The following WSCD1 variants were observed in gnomAD, a reference collection of about 807,000 sequenced individuals.
WSCD1 encodes the protein sialate:O-sulfotransferase 1.
WSCD1 carries 41 observed loss-of-function variants against 60.4 expected under a neutral mutation model. The observed-to-expected ratio is 0.68, with a 90% CI of 0.53 to 0.88. WSCD1 has a LOEUF of 0.88. Among genes scored for constraint, WSCD1 ranks in the 40% least tolerant of loss-of-function variants. The pLI, the probability that WSCD1 is intolerant of heterozygous loss-of-function variation, is 0.00. For missense variants in WSCD1, 784 were observed against 796.2 expected, an observed-to-expected ratio of 0.98 and a Z score of 0.18; for synonymous variants, 361 against 332.5, an observed-to-expected ratio of 1.09 and a Z score of -0.93.
chr17:6,071,815 T>C (rs1247311505), intron 1 of WSCD1, among the ~76,000 whole-genome samples: 1 of 152,198 alleles, frequency 6.6e-6, no homozygotes, highest in African/African-American at 2.4e-5. Flanking sequence ...CCTTGGGCTA[T>C]GGGAGAATGA....
intron 5 of WSCD1, among the ~76,000 whole-genome samples, chr17:6,098,164 G>T (rs1248103849): frequency 1.4e-5 from 2 of 146,318 alleles, no homozygotes; most frequent in Non-Finnish European, 3.0e-5. Context: ...GGTGGGGGGG[G>T]TCTCACCAAG....
chr17:6,105,493 A>C (rs1482278542), intron 5 of WSCD1, among the ~76,000 whole-genome samples: 2 of 152,116 alleles, frequency 1.3e-5, no homozygotes, highest in African/African-American at 4.8e-5. Context: ...ATCAATATTT[A>C]ATTTTTATGG....
At chr17:6,086,565 G>C (rs1480618978) in intron 2 of WSCD1, among the ~76,000 whole-genome samples, 6 of 152,044 alleles carry the variant, frequency 3.9e-5, no homozygotes, top group Non-Finnish European at 5.9e-5. Context: ...TGTTGACCAG[G>C]CTGGTCTCGA....
chr17:6,117,078 C>G (rs773134547), intron 7 of WSCD1, among the ~76,000 whole-genome samples: 1 of 152,194 alleles, frequency 6.6e-6, no homozygotes, highest in African/African-American at 2.4e-5. Context: ...AGTCTTAACC[C>G]TCTGTCCCCA....
chr17:6,087,278 G>A (rs1405616861), intron 2 of WSCD1, among the ~76,000 whole-genome samples: 2 of 152,130 alleles, frequency 1.3e-5, no homozygotes, highest in Non-Finnish European at 2.9e-5. Context: ...TCACTGGCGC[G>A]TGCACGGCTG....
chr17:6,071,957 C>T (rs1389985966), intron 1 of WSCD1, among the ~76,000 whole-genome samples: 1 of 152,214 alleles, frequency 6.6e-6, no homozygotes, highest in Admixed American at 6.5e-5. Context: ...CTCTCCCAGG[C>T]ATGGGATCTG....
chr17:6,086,354 C>G (rs929713686), intron 2 of WSCD1, among the ~76,000 whole-genome samples: 3 of 149,284 alleles, frequency 2.0e-5, no homozygotes, highest in Non-Finnish European at 4.4e-5. Flanking sequence ...TATATATATT[C>G]AGACAGAGTC....
chr17:6,118,024 G>T lies in WSCD1; in HGVS notation c.1211G>T (p.Arg404Leu). ...KGEKDHWRSR[R>L]TICVKTHESG... ...GAAAAGGACCACTGGCGGAGCCGAC[G>T]CACCATCTGTGTCAAAACCCACGAG... Residue 404 changes from arginine (R) to leucine (L), a missense_variant, in exon 8 of 9, where the codon CGC (arginine) becomes CTC (leucine). Coordinates refer to ENST00000317744, the MANE Select transcript of WSCD1 (RefSeq NM_015253.2). The surrounding 1 kb of genome is among the most constrained non-coding windows in gnomAD (Gnocchi z 5.8). The T allele has an allele frequency of 6.2e-7, 1 of 1,614,098 alleles. No individual in the cohort carries two copies. The highest frequency in any genetic ancestry group is 8.5e-7 in the Non-Finnish European group (1 of 1,180,028).
rs1323152281 is a variant in WSCD1 at position 6,101,417 on chromosome 17, G to A, written c.849+6194G>A. Among the ~76,000 whole-genome samples, 1 of 152,148 alleles carries A rather than the reference G, an allele frequency of 6.6e-6. No homozygotes were observed. On this transcript the variant is annotated intron_variant, in intron 5 of 8. Coordinates refer to ENST00000317744, the MANE Select transcript of WSCD1 (RefSeq NM_015253.2). The surrounding 1 kb of genome is among the most constrained non-coding windows in gnomAD (Gnocchi z 4.1). ...GGCAGTGGGGCTGGGAGCAGCAGATGTGAGAGGTGGGGCTTGGAAACAGGA... is the reference window on the plus strand; with the variant it reads ...GGCAGTGGGGCTGGGAGCAGCAGATATGAGAGGTGGGGCTTGGAAACAGGA...
intron 5 of WSCD1, among the ~76,000 whole-genome samples, chr17:6,095,759 A>G (rs553133364): frequency 1.3e-5 from 2 of 152,346 alleles, no homozygotes; most frequent in Non-Finnish European, 2.9e-5. Flanking sequence ...AAGTTGGTCA[A>G]GGCCAGAGGT....
intron 4 of WSCD1, among the ~76,000 whole-genome samples, chr17:6,094,215 G>T (rs1420339625): frequency 1.3e-5 from 2 of 152,206 alleles, no homozygotes; most frequent in African/African-American, 4.8e-5. Context: ...GCCAGCTAGG[G>T]CACTGGACTT....
At chr17:6,102,316 A>G (rs1318217269) in intron 5 of WSCD1, among the ~76,000 whole-genome samples, 1 of 152,216 alleles carries the variant, frequency 6.6e-6, no homozygotes, top group East Asian at 1.9e-4. Flanking sequence ...AGGTAGCCTT[A>G]TGGTCTCCAT....
intron 7 of WSCD1, among the ~76,000 whole-genome samples, chr17:6,116,185 A>C (rs540803354): frequency 6.6e-6 from 1 of 152,174 alleles, no homozygotes; most frequent in African/African-American, 2.4e-5. Flanking sequence ...CCCAGGCTGC[A>C]GTTACCCACC....
intron 4 of WSCD1, among the ~76,000 whole-genome samples, chr17:6,092,720 C>T (rs769407585): frequency 1.3e-5 from 2 of 152,196 alleles, no homozygotes; most frequent in Non-Finnish European, 1.5e-5. Flanking sequence ...GGCGGCCCTC[C>T]CAGCCCCATC....
At position 6,080,840 on chromosome 17, in the gene WSCD1, C is replaced by T. The variant is rs574668602; in HGVS notation, c.182C>T (p.Ala61Val). The T allele has an allele frequency of 6.5e-5, 105 of 1,607,276 alleles. 1 individual carries two copies. The highest frequency in any genetic ancestry group is 6.1e-4 in the South Asian group (55 of 90,444). ...CAGACCTTGCCAGTGGCCGCCGTGG[C>T]GCTGGGCGTGGGCTTGCTGGACAGC... ...PLQTLPVAAVALGVGLLDSRA... is the reference protein window; with the variant it reads ...PLQTLPVAAVVLGVGLLDSRA... Residue 61 changes from alanine to valine, a missense_variant, in exon 2 of 9, where the codon GCG becomes GTG. Physicochemically the swap from Ala to Val is moderately conservative, Grantham distance 64. Coordinates refer to ENST00000317744, the MANE Select transcript of WSCD1 (RefSeq NM_015253.2). This position sits in a 1 kb window ranked among gnomAD's most constrained non-coding sequence, Gnocchi z 6.6.
At chr17:6,111,724 A>AG (rs200915823) in intron 7 of WSCD1, among the ~76,000 whole-genome samples, 3,953 of 52,936 alleles carry the variant, frequency 0.075, 949 homozygotes, top group Non-Finnish European at 0.095. Context: ...AAAAAAAAAA[A>AG]GAGCAAGGAA....
intron 2 of WSCD1, among the ~76,000 whole-genome samples, chr17:6,083,548 G>A (rs1250344230): frequency 6.6e-6 from 1 of 152,202 alleles, no homozygotes; most frequent in Non-Finnish European, 1.5e-5. Flanking sequence ...CCCAGCCGAG[G>A]CAGGCGGATC....
At position 6,120,473 on chromosome 17, in the gene WSCD1, G is replaced by A. The variant is rs1473425798; in HGVS notation, c.1540G>A (p.Glu514Lys). 15 of 1,613,894 alleles carry A rather than the reference G, an allele frequency of 9.3e-6. No individual in the cohort carries two copies. The highest frequency in any genetic ancestry group is 5.5e-5 in the South Asian group (5 of 91,092). ...GGCCTTCCTCAACGTGTCTGTGAGC[G>A]AGGAGCGGCTGCTCTGCGTGGAGAA... ...MVAFLNVSVS[E>K]ERLLCVENNK... The change falls in exon 9 of 9, where the codon GAG (glutamate) becomes AAG (lysine). Residue 514 changes from glutamate (E) to lysine (K), a missense_variant. By Grantham distance (56) the Glu-to-Lys change is moderately conservative (BLOSUM62 1). Transcript: ENST00000317744.
intron 7 of WSCD1, among the ~76,000 whole-genome samples, chr17:6,113,583 T>C (rs1023492214): frequency 3.9e-5 from 6 of 152,140 alleles, no homozygotes; most frequent in Non-Finnish European, 7.3e-5. Context: ...GGAGAAAATA[T>C]TGGCAAACTA....
Sources: allele counts gnomAD v4.1 joint callset (sites outside exome capture counted in the v4.1 genomes callset), GRCh38; gene constraint gnomAD v4.1.1; non-coding constraint Gnocchi (gnomAD v3.1); transcripts MANE v1.5; gene names NCBI Gene and HGNC (gene_info 2026-07-23, HGNC 2026-07-21).